Variants in COL20A1 observed in about 807,000 individuals in gnomAD.
COL20A1 encodes the protein collagen alpha-1(XX) chain.
In COL20A1, 164 loss-of-function variants were observed where a neutral mutation model predicts 152.9. That is an observed-to-expected ratio of 1.07 (90% CI 0.94 to 1.22). The LOEUF (loss-of-function observed/expected upper bound fraction) is 1.22. COL20A1 is among the 50% of genes most tolerant of loss of function. The pLI is 0.00. For missense variants in COL20A1, 1,873 were observed against 1,744.8 expected (o/e 1.07, Z -1.31); for synonymous variants, 864 against 756.0 (o/e 1.14, Z -2.34).
rs1325435252 is a variant in COL20A1 at position 63,331,973 on chromosome 20, G to C, written c.*1257G>C. On this transcript the variant is annotated 3_prime_UTR_variant, in exon 36 of 36. Coordinates refer to ENST00000358894, the MANE Select transcript of COL20A1 (RefSeq NM_020882.4). ...TGACCAGACCTGGAGACCAAATAGA[G>C]AGTCATAGGCAGGGTCAGCAGGATG... is the stretch of plus-strand genomic sequence containing the variant. The C allele has an allele frequency of 2.0e-5, 3 of 152,246 alleles. No individual in the cohort carries two copies. Among genetic ancestry groups the C allele is most frequent in the Admixed American group, 6.5e-5 (1 of 15,268 alleles). 9.4% of individuals were successfully genotyped at this position (152,246 alleles called of 1,614,324 possible).
chr20:63,305,853 C>T lies in COL20A1; in HGVS notation c.338-28C>T, dbSNP rs759752450. ...AGTGGACCAGGCCCTCCACTCCCAC[C>T]CTGATGGCTCTTTGTGTCTCCCTGC... On this transcript the variant is annotated intron_variant, in intron 4 of 35. Coordinates refer to ENST00000358894, the MANE Select transcript of COL20A1 (RefSeq NM_020882.4). The surrounding 1 kb of genome is among the most constrained non-coding windows in gnomAD (Gnocchi z 4.9). 1 of 1,611,822 alleles carries T rather than the reference C, an allele frequency of 6.2e-7. No homozygotes were observed.
chr20:63,312,361 C>G, intron 14 of COL20A1, 59 bp from the exon 15 acceptor site: 1 of 1,462,076 alleles, frequency 6.8e-7, no homozygotes, highest in Middle Eastern at 2.5e-4. Flanking sequence ...GATTCTCCAC[C>G]CCAGCAAGGG....
rs371306583 is a variant in COL20A1, at chr20:63,311,440, C to T, written c.1440C>T (p.Pro480=). Residue 480 remains proline, a synonymous_variant, in exon 12 of 36, where the codon CCC becomes CCT. Transcript: ENST00000358894. The surrounding 1 kb of genome is among the most constrained non-coding windows in gnomAD (Gnocchi z 4.4). Reference sequence around the variant, plus strand: ...CGCTGACCCTGGCCGCAGTGACGCCCAGAACCGTCCACCTCACCTGGCAGC... The same window carrying T: ...CGCTGACCCTGGCCGCAGTGACGCCTAGAACCGTCCACCTCACCTGGCAGC... ...PRALTLAAVT[P]RTVHLTWQPS... 544 of 1,574,126 alleles carry T rather than the reference C, an allele frequency of 3.5e-4. No homozygotes were observed. The highest frequency in any genetic ancestry group is 4.2e-4 in the Non-Finnish European group (489 of 1,160,434).
At chr20:63,297,751 C>T (rs998111188) in intron 2 of COL20A1, among the ~76,000 whole-genome samples, 159 bp from the exon 3 acceptor site, 4 of 152,356 alleles carry the variant, frequency 2.6e-5, no homozygotes, top group East Asian at 3.9e-4. Context: ...GGGCTGAGTC[C>T]GCCTCAGACA....
Position 63,313,271 on chromosome 20 carries a change from C to T in COL20A1, c.2209+22C>T, listed in dbSNP as rs2068040130. The stretch of plus-strand genomic sequence containing the variant: ...CCCTGTAGGTGCCCCTCCACTTCCC[C>T]TCTGCTGGGTGTGGGGCAGGGATGG... On this transcript the variant is annotated intron_variant, in intron 17 of 35. Transcript: ENST00000358894. This position sits in a 1 kb window ranked among gnomAD's most constrained non-coding sequence, Gnocchi z 5.9. The T allele has an allele frequency of 6.3e-6, 10 of 1,597,244 alleles. No individual in the cohort carries two copies. Among genetic ancestry groups the T allele is most frequent in the Non-Finnish European group, 8.5e-6 (10 of 1,169,894 alleles).
At position 63,323,735 on chromosome 20, in the gene COL20A1, C is replaced by G. The variant is rs192749239; in HGVS notation, c.3294+1624C>G. On this transcript the variant is annotated intron_variant, in intron 27 of 35. Transcript: ENST00000358894. Reference sequence around the variant, plus strand: ...TGTGTCTGTTGTTCACAGGCGAGGGCTGTGCTGCTTAAATTATTACAGATT... The same window carrying G: ...TGTGTCTGTTGTTCACAGGCGAGGGGTGTGCTGCTTAAATTATTACAGATT... 7.5e-4 allele frequency among the ~76,000 whole-genome samples: 114 copies of G among 152,332 alleles called. 1 individual carries two copies. The highest frequency in any genetic ancestry group is 2.6e-3 in the African/African-American group (107 of 41,568).
chr20:63,321,906 C>T (rs765357454), intron 26 of COL20A1, among the ~76,000 whole-genome samples, 152 bp from the exon 27 acceptor site: 15 of 152,162 alleles, frequency 9.9e-5, no homozygotes, highest in Non-Finnish European at 1.8e-4. Context: ...CCCTGGAAAC[C>T]CCTTCTCTTC....
At chr20:63,298,042 G>A (rs1568762559) in intron 3 of COL20A1, 22 bp downstream of exon 3, 1 of 1,549,230 alleles carries the variant, frequency 6.5e-7, no homozygotes. Context: ...CCCCTCCCAG[G>A]CCCCCTTCCC....
In COL20A1 at chr20:63,309,452, C is replaced by T. The variant is rs757970584; in HGVS notation, c.1060C>T (p.Leu354Phe). ...CGCGCTGGCTGGCCTGCTCAGCCGT[C>T]TCATCTGCCAGAGGCTCCAGGGTGG... ...LGALAGLLSR[L>F]ICQRLQGGSP... Residue 354 changes from leucine to phenylalanine, a missense_variant, in exon 9 of 36, where the codon CTC (leucine) becomes TTC (phenylalanine). Transcript: ENST00000358894. 6.5e-7 allele frequency: 1 copy of T among 1,539,558 alleles called. No homozygotes were observed. Among genetic ancestry groups the T allele is most frequent in the Non-Finnish European group, 8.8e-7 (1 of 1,139,734 alleles).
Position 63,332,810 on chromosome 20 carries a change from G to A in COL20A1, c.*2094G>A, listed in dbSNP as rs1453523424. Reference sequence around the variant, plus strand: ...AAGGCAGCGGCCAGCTGGTGCCCAGGCAGCTTAGGGACTGGTCCCTGAGGC... The same window carrying A: ...AAGGCAGCGGCCAGCTGGTGCCCAGACAGCTTAGGGACTGGTCCCTGAGGC... On this transcript the variant is annotated 3_prime_UTR_variant, in exon 36 of 36. Coordinates refer to ENST00000358894, the MANE Select transcript of COL20A1 (RefSeq NM_020882.4). 2.0e-5 allele frequency: 3 copies of A among 152,262 alleles called. No homozygotes were observed. Among genetic ancestry groups the A allele is most frequent in the Non-Finnish European group, 4.4e-5 (3 of 68,074 alleles). The allele number at this position is 152,262 out of a possible 1,614,324, so 9.4% of individuals were successfully genotyped here. A position where few individuals can be genotyped will look rare whatever the true frequency, so the allele number is the denominator to read the frequency against.
chr20:63,310,277 G>A, intron 10 of COL20A1, 104 bp from the exon 11 acceptor site: 11 of 1,336,410 alleles, frequency 8.2e-6, no homozygotes, highest in Non-Finnish European at 1.1e-5. Flanking sequence ...GGGGCACCCT[G>A]CGGGCCCCAG....
rs1050989011 is a variant in COL20A1 at position 63,334,058 on chromosome 20, A to T, written c.*3342A>T. ...AGCCCCCCATCGTGATCTGATGGTA[A>T]GTACAGAACTCCTTGCCCAGTGGAG... On this transcript the variant is annotated 3_prime_UTR_variant, in exon 36 of 36. Coordinates refer to ENST00000358894, the MANE Select transcript of COL20A1 (RefSeq NM_020882.4). The T allele has an allele frequency of 6.6e-6, 1 of 152,212 alleles. No homozygotes were observed. The highest frequency in any genetic ancestry group is 1.5e-5 in the Non-Finnish European group (1 of 68,040). 9.4% of individuals were successfully genotyped at this position (152,212 alleles called of 1,614,324 possible). A position where few individuals can be genotyped will look rare whatever the true frequency, so the allele number is the denominator to read the frequency against.
intron 34 of COL20A1, 101 bp from the exon 35 acceptor site, chr20:63,329,484 C>T (rs1442674025): frequency 3.4e-6 from 3 of 871,682 alleles, no homozygotes; most frequent in Non-Finnish European, 3.7e-6. Context: ...AGACCTGCTG[C>T]CTGTGCCCAG....
At position 63,313,174 on chromosome 20, in the gene COL20A1, G is replaced by A. The variant is rs866090610; in HGVS notation, c.2134G>A (p.Glu712Lys). ...AVLPGLGRHTEYDVTILAYYR... is the reference protein window; with the variant it reads ...AVLPGLGRHTKYDVTILAYYR... ...CCTGCCTGGCCTAGGGAGGCACACA[G>A]AGTACGACGTCACCATCTTGGCCTA... The change falls in exon 17 of 36, where the codon GAG becomes AAG. Residue 712 changes from glutamate (E) to lysine (K), a missense_variant. By Grantham distance (56) the Glu-to-Lys change is moderately conservative. Coordinates refer to ENST00000358894, the MANE Select transcript of COL20A1 (RefSeq NM_020882.4). This position sits in a 1 kb window ranked among gnomAD's most constrained non-coding sequence, Gnocchi z 5.9. 9.3e-6 allele frequency: 15 copies of A among 1,612,376 alleles called. No homozygotes were observed. Among genetic ancestry groups the A allele is most frequent in the Middle Eastern group, 1.6e-4 (1 of 6,080 alleles).
intron 3 of COL20A1, among the ~76,000 whole-genome samples, chr20:63,299,575 C>T (rs2067840556): frequency 6.6e-6 from 1 of 152,120 alleles, no homozygotes; most frequent in South Asian, 2.1e-4. Context: ...GTTCTGTTAC[C>T]CCAAGGTCAG....
chr20:63,301,284 C>T (rs545248253), intron 3 of COL20A1, among the ~76,000 whole-genome samples: 5 of 152,244 alleles, frequency 3.3e-5, no homozygotes, highest in African/African-American at 1.2e-4. Context: ...CACTGCACTC[C>T]AGTCTGGGTG....
rs1460600122 is a variant in COL20A1, at chr20:63,332,656, C to T, written c.*1940C>T. 1 of 152,286 alleles carries T rather than the reference C, an allele frequency of 6.6e-6. No individual in the cohort carries two copies. Among genetic ancestry groups the T allele is most frequent in the Non-Finnish European group, 1.5e-5 (1 of 68,078 alleles). 9.4% of individuals were successfully genotyped at this position (152,286 alleles called of 1,614,324 possible). A position where few individuals can be genotyped will look rare whatever the true frequency, so the allele number is the denominator to read the frequency against. ...GGGGAACCAGGGTGGCTCTAATCCC[C>T]ACCACCCCCTCAGCTGCCCTACCCC... On this transcript the variant is annotated 3_prime_UTR_variant, in exon 36 of 36. Transcript: ENST00000358894.
chr20:63,308,498 G>A (rs1452721195), intron 7 of COL20A1, 44 bp from the exon 8 acceptor site: 1 of 1,499,118 alleles, frequency 6.7e-7, no homozygotes, highest in Non-Finnish European at 9.0e-7. Flanking sequence ...CACCAGGAGG[G>A]GATGCTGGCA....
chr20:63,309,242 C>A, intron 8 of COL20A1, 91 bp from the exon 9 acceptor site: 4 of 1,096,182 alleles, frequency 3.6e-6, no homozygotes, highest in Non-Finnish European at 4.9e-6. Context: ...CCTCTTTACT[C>A]CTGACCCAGT....
Sources: allele counts gnomAD v4.1 joint callset (sites outside exome capture counted in the v4.1 genomes callset), GRCh38; gene constraint gnomAD v4.1.1; non-coding constraint Gnocchi (gnomAD v3.1); transcripts MANE v1.5; gene names NCBI Gene and HGNC (gene_info 2026-07-23, HGNC 2026-07-21).